MXI1: variants seen among roughly 807,000 people sequenced by gnomAD.
The protein encoded by MXI1 is max-interacting protein 1.
MXI1 carries 18 observed loss-of-function variants against 36.9 expected under a neutral mutation model. The ratio of observed to expected loss-of-function variants is 0.49; its 90% CI spans 0.34 to 0.72. The LOEUF (loss-of-function observed/expected upper bound fraction) is 0.72. MXI1 is among the 30% of genes least tolerant of loss of function. MXI1 has a pLI of 0.01. For missense variants in MXI1, 304 were observed against 379.1 expected, an observed-to-expected ratio of 0.80 and a Z score of 1.64; for synonymous variants, 160 against 146.7, an observed-to-expected ratio of 1.09 and a Z score of -0.65.
At chr10:110,265,479 T>C (rs1856651153) in intron 3 of MXI1, among the ~76,000 whole-genome samples, 1 of 152,196 alleles carries the variant, frequency 6.6e-6, no homozygotes, top group Admixed American at 6.5e-5. Flanking sequence ...AGATGATGTT[T>C]TCTGATTTGA....
chr10:110,263,314 T>C (rs1174832237), intron 3 of MXI1, among the ~76,000 whole-genome samples: 1 of 152,182 alleles, frequency 6.6e-6, no homozygotes, highest in Non-Finnish European at 1.5e-5. Flanking sequence ...AAAATAGTTT[T>C]GTTCTCCACT....
At chr10:110,215,653 GTCATTGCAACATTC>G (rs1197001256) in intron 1 of MXI1, among the ~76,000 whole-genome samples, 1 of 152,178 alleles carries the variant, frequency 6.6e-6, no homozygotes, top group Non-Finnish European at 1.5e-5. Context: ...TATTGCAAAG[GTCATTGCAACATTC>G]TCAATAGTCT....
intron 2 of MXI1, among the ~76,000 whole-genome samples, chr10:110,231,693 A>G (rs950035694): frequency 8.5e-5 from 13 of 152,172 alleles, no homozygotes; most frequent in Non-Finnish European, 1.6e-4. Context: ...CTGTTAGAGA[A>G]TGTGGCTGCA....
rs1321051519 is a variant in MXI1 at position 110,285,012 on chromosome 10, G to A, written c.*25G>A. ...GAACCCAGCATGACATAACAGTGCA[G>A]GGCAAAATATTCACTGGGCCAATTC... On this transcript the variant is annotated 3_prime_UTR_variant, in exon 6 of 6. Coordinates refer to ENST00000332674, the MANE Select transcript of MXI1 (RefSeq NM_130439.3). 2.5e-6 allele frequency: 4 copies of A among 1,583,522 alleles called. No individual in the cohort carries two copies. The African/African-American group carries it at 5.4e-5, about 22-fold the overall frequency.
At chr10:110,270,439 A>AT (rs5787841) in intron 3 of MXI1, among the ~76,000 whole-genome samples, 121 of 144,056 alleles carry the variant, frequency 8.4e-4, no homozygotes, top group African/African-American at 1.4e-3. Context: ...AGATTTAATT[A>AT]TTTTTTTTTT....
chr10:110,260,416 GGTGTGTGTGTGT>G (rs151334728), intron 3 of MXI1, among the ~76,000 whole-genome samples: 6,952 of 144,582 alleles, frequency 0.048, 293 homozygotes, highest in South Asian at 0.2. Flanking sequence ...CCTTGATACA[GGTGTGTGTGTGT>G]GTGTGTGTGT....
At chr10:110,264,607 G>A (rs1042512928) in intron 3 of MXI1, among the ~76,000 whole-genome samples, 10 of 151,726 alleles carry the variant, frequency 6.6e-5, no homozygotes, top group African/African-American at 1.9e-4. Flanking sequence ...CTCGTGATCC[G>A]CCTGCCTCAG....
rs547113284 is a variant in MXI1, at chr10:110,208,970, G to A, written c.274+888G>A. Among the ~76,000 whole-genome samples, 407 of 152,252 alleles carry A rather than the reference G, an allele frequency of 2.7e-3. 1 individual carries two copies. The highest frequency in any genetic ancestry group is 6.4e-3 in the Admixed American group (98 of 15,288). The stretch of plus-strand genomic sequence containing the variant: ...AGCGCACAGGGCAAGCAAGGCAAAC[G>A]CCTTCCTGGTCGATTTCTACTCCCC... On this transcript the variant is annotated intron_variant, in intron 1 of 5. Coordinates refer to ENST00000332674, the MANE Select transcript of MXI1 (RefSeq NM_130439.3).
intron 3 of MXI1, among the ~76,000 whole-genome samples, chr10:110,247,864 T>C (rs1446389511): frequency 6.6e-6 from 1 of 152,216 alleles, no homozygotes; most frequent in Non-Finnish European, 1.5e-5. Context: ...AAAAGGATTA[T>C]AAATCATGCT....
At chr10:110,256,787 C>T (rs1258618931) in intron 3 of MXI1, among the ~76,000 whole-genome samples, 1 of 152,094 alleles carries the variant, frequency 6.6e-6, no homozygotes, top group Admixed American at 6.6e-5. Flanking sequence ...TACCACTGAT[C>T]AGAGAAAGGT....
intron 5 of MXI1, among the ~76,000 whole-genome samples, chr10:110,284,386 G>T (rs1019067230): frequency 1.3e-5 from 2 of 152,106 alleles, no homozygotes; most frequent in African/African-American, 4.8e-5. Flanking sequence ...GGCTTGGATG[G>T]GTAAATTTTC....
chr10:110,215,155 C>T (rs1404537123), intron 1 of MXI1, among the ~76,000 whole-genome samples: 3 of 151,030 alleles, frequency 2.0e-5, no homozygotes, highest in African/African-American at 7.3e-5. Flanking sequence ...GATTCTCCTG[C>T]CTCAGCCTCC....
chr10:110,221,956 A>G (rs537834569), intron 1 of MXI1, among the ~76,000 whole-genome samples: 2 of 152,244 alleles, frequency 1.3e-5, no homozygotes, highest in South Asian at 4.1e-4. Flanking sequence ...GTTTAGCATT[A>G]CGTCATCCCT....
chr10:110,243,346 G>A (rs1855742739), intron 2 of MXI1, among the ~76,000 whole-genome samples: 1 of 151,958 alleles, frequency 6.6e-6, no homozygotes, highest in Non-Finnish European at 1.5e-5. Flanking sequence ...TTCATTTCAT[G>A]TCTCTTGGAC....
intron 3 of MXI1, among the ~76,000 whole-genome samples, chr10:110,273,473 C>A (rs1564724978): frequency 6.6e-6 from 1 of 152,152 alleles, no homozygotes; most frequent in African/African-American, 2.4e-5. Flanking sequence ...TTTTTAATGT[C>A]ATTTTTCATT....
intron 3 of MXI1, among the ~76,000 whole-genome samples, chr10:110,253,979 G>A (rs929219522): frequency 3.3e-5 from 5 of 151,718 alleles, no homozygotes; most frequent in Admixed American, 3.3e-4. Flanking sequence ...CATTGTACTG[G>A]AGCTTCTACC....
In MXI1 at chr10:110,207,979, C is replaced by T; in HGVS notation, c.171C>T (p.Thr57=). 1 of 1,601,700 alleles carries T rather than the reference C, an allele frequency of 6.2e-7. No homozygotes were observed. The highest frequency in any genetic ancestry group is 8.5e-7 in the Non-Finnish European group (1 of 1,174,630). ...GCCCCTTCTCAGACATTTTCAACACCAGCGAGAACTCGATGGAGAAGCACA... is the reference window on the plus strand; with the variant it reads ...GCCCCTTCTCAGACATTTTCAACACTAGCGAGAACTCGATGGAGAAGCACA... The part of the protein sequence containing the change: ...PRCPFSDIFN[T]SENSMEKHIN... Residue 57 remains threonine, a synonymous_variant, in exon 1 of 6, where the codon ACC becomes ACT. Coordinates refer to ENST00000332674, the MANE Select transcript of MXI1 (RefSeq NM_130439.3).
intron 4 of MXI1, 110 bp downstream of exon 4, chr10:110,279,404 C>T (rs1045624698): frequency 6.9e-6 from 6 of 866,180 alleles, no homozygotes; most frequent in Non-Finnish European, 9.3e-6. Context: ...TCCTTAATAA[C>T]TGACCTCAAG....
chr10:110,251,075 T>C (rs1198621649), intron 3 of MXI1, among the ~76,000 whole-genome samples: 2 of 133,502 alleles, frequency 1.5e-5, no homozygotes, highest in East Asian at 4.3e-4. Flanking sequence ...GTATTCTCCA[T>C]ATAAGGACTT....
Sources: allele counts gnomAD v4.1 joint callset (sites outside exome capture counted in the v4.1 genomes callset), GRCh38; gene constraint gnomAD v4.1.1; transcripts MANE v1.5; gene names NCBI Gene and HGNC (gene_info 2026-07-23, HGNC 2026-07-21).